Variants in KIFC3 observed in about 807,000 individuals in gnomAD.
KIFC3 encodes kinesin family member C3, also known as kinesin-like protein KIFC3.
A neutral mutation model predicts 101.8 loss-of-function variants in KIFC3; 60 were observed. That is an observed-to-expected ratio of 0.59 (90% CI 0.48 to 0.73). KIFC3 has a LOEUF of 0.73. Ranked by LOEUF, KIFC3 falls within the 30% of genes least tolerant of loss-of-function variation. The pLI, the probability that KIFC3 is intolerant of heterozygous loss-of-function variation, is 0.00. For synonymous variants in KIFC3, 476 were observed against 482.7 expected (o/e 0.99, Z 0.18); for missense variants, 966 against 1,137.1 (o/e 0.85, Z 2.16).
At chr16:57,856,059 C>T (rs992273782) in intron 1 of KIFC3, among the ~76,000 whole-genome samples, 1 of 151,844 alleles carries the variant, frequency 6.6e-6, no homozygotes, top group Non-Finnish European at 1.5e-5. Context: ...GCAGGGGGCT[C>T]ACACCAGTAA....
Position 57,761,145 on chromosome 16 carries a change from G to A in KIFC3, c.1899C>T (p.Arg633=), listed in dbSNP as rs1222711111. 6.2e-7 allele frequency: 1 copy of A among 1,613,888 alleles called. No individual in the cohort carries two copies. Among genetic ancestry groups the A allele is most frequent in the Non-Finnish European group, 8.5e-7 (1 of 1,179,992 alleles). The part of the protein sequence containing the change: ...NKVFEFGHTN[R]TTEFTNLNEH... ...CGTTCAGGTTGGTGAACTCGGTCGT[G>A]CGATTAGTGTGGCCAAACTCAAACA... is the stretch of plus-strand genomic sequence containing the variant. The change falls in exon 15 of 20, where the codon CGC becomes CGT. Residue 633 remains arginine (R), a synonymous_variant. Coordinates refer to ENST00000445690, the MANE Select transcript of KIFC3 (RefSeq NM_001130100.2).
intron 16 of KIFC3, 72 bp downstream of exon 16, chr16:57,760,654 G>T: frequency 7.2e-7 from 1 of 1,381,628 alleles, no homozygotes; most frequent in South Asian, 1.2e-5. Context: ...CACAGCCTGG[G>T]GTGACTGGGT....
intron 3 of KIFC3, among the ~76,000 whole-genome samples, chr16:57,789,257 C>T (rs1199202865): frequency 2.6e-5 from 4 of 152,266 alleles, no homozygotes; most frequent in Non-Finnish European, 5.9e-5. Context: ...CTCTCCGCCC[C>T]ACAGGGCTAT....
chr16:57,857,952 G>A (rs749989684), intron 1 of KIFC3, among the ~76,000 whole-genome samples: 4 of 149,698 alleles, frequency 2.7e-5, no homozygotes, highest in Non-Finnish European at 5.9e-5. Context: ...TCAGCCTCCC[G>A]AGTAGCTGGC....
At position 57,782,400 on chromosome 16, in the gene KIFC3, C is replaced by T. The variant is rs562922332; in HGVS notation, c.316-10112G>A. 2.0e-5 allele frequency: 3 copies of T among 152,472 alleles called. No homozygotes were observed. The South Asian group carries it at 6.2e-4, about 32-fold the overall frequency. 9.4% of individuals were successfully genotyped at this position (152,472 alleles called of 1,614,324 possible). On this transcript the variant is annotated intron_variant, in intron 3 of 19. Coordinates refer to ENST00000445690, the MANE Select transcript of KIFC3 (RefSeq NM_001130100.2). ...TGGCCACAGCAACACCAATGACTCA[C>T]TAGGGATCATCTCATCACACCCTAT...
At chr16:57,830,236 CTTTTTTTTTT>C (rs34842791) in intron 1 of KIFC3, among the ~76,000 whole-genome samples, 18 of 119,310 alleles carry the variant, frequency 1.5e-4, no homozygotes, top group Non-Finnish European at 3.0e-4. Context: ...TTTTTTCTTT[CTTTTTTTTTT>C]TTTTTTTTTG....
chr16:57,795,211 G>A (rs2149196369), intron 2 of KIFC3, 70 bp from the exon 3 acceptor site: 1 of 1,548,282 alleles, frequency 6.5e-7, no homozygotes, highest in African/African-American at 1.4e-5. Flanking sequence ...ATGGACCACT[G>A]GCCAGGGCCG....
intron 13 of KIFC3, among the ~76,000 whole-genome samples, 153 bp from the exon 14 acceptor site, chr16:57,761,689 G>A (rs568382762): frequency 3.3e-5 from 5 of 151,588 alleles, no homozygotes; most frequent in African/African-American, 9.7e-5. Context: ...CTCCTCCACC[G>A]CATTCAGCTG....
At chr16:57,776,086 C>A in intron 3 of KIFC3, 2 of 985,504 alleles carry the variant, frequency 2.0e-6, no homozygotes, top group Middle Eastern at 5.2e-4. Context: ...TCCAAGGCGG[C>A]CTCTTACCAT....
chr16:57,845,772 C>T (rs2055905843), intron 1 of KIFC3, among the ~76,000 whole-genome samples: 1 of 152,188 alleles, frequency 6.6e-6, no homozygotes, highest in South Asian at 2.1e-4. Context: ...AGTCTTCGCA[C>T]TTAACACCTT....
upstream of KIFC3, chr16:57,803,474 G>A: frequency 2.2e-6 from 1 of 452,958 alleles, no homozygotes; most frequent in South Asian, 1.6e-5. Context: ...AGGAGGGCGG[G>A]TACTCTGTCC....
intron 1 of KIFC3, among the ~76,000 whole-genome samples, chr16:57,811,772 C>T (rs1181481725): frequency 2.6e-5 from 4 of 151,912 alleles, no homozygotes; most frequent in Middle Eastern, 3.4e-3. Flanking sequence ...AAAAATTAGC[C>T]GGGCATGGTG....
At chr16:57,785,738 G>T in intron 3 of KIFC3, 1 of 935,704 alleles carries the variant, frequency 1.1e-6, no homozygotes, top group Non-Finnish European at 1.4e-6. Context: ...GTCCATCACA[G>T]CAAGACAGAC....
chr16:57,772,539 C>T (rs1555609491), intron 3 of KIFC3, among the ~76,000 whole-genome samples: 1 of 152,182 alleles, frequency 6.6e-6, no homozygotes, highest in Non-Finnish European at 1.5e-5. Context: ...TTCAGGAAAG[C>T]CCAGAGGGCA....
intron 1 of KIFC3, among the ~76,000 whole-genome samples, chr16:57,800,253 T>A (rs1178060410): frequency 1.3e-5 from 2 of 152,158 alleles, no homozygotes; most frequent in Non-Finnish European, 2.9e-5. Flanking sequence ...TTCCTTGACT[T>A]AGAACAACTA....
At chr16:57,803,260 G>A (rs956759066), upstream of KIFC3, 25 of 699,434 alleles carry the variant, frequency 3.6e-5, no homozygotes, top group Non-Finnish European at 5.7e-5. Flanking sequence ...AGAGGCCTGG[G>A]GGAGGCCAGG....
chr16:57,841,045 T>G (rs1250478187), intron 1 of KIFC3, among the ~76,000 whole-genome samples: 1 of 152,232 alleles, frequency 6.6e-6, no homozygotes, highest in Non-Finnish European at 1.5e-5. Context: ...AGCAAATATT[T>G]GCACACCTAC....
At chr16:57,843,981 G>A (rs971684125) in intron 1 of KIFC3, among the ~76,000 whole-genome samples, 1 of 151,976 alleles carries the variant, frequency 6.6e-6, no homozygotes, top group Non-Finnish European at 1.5e-5. Flanking sequence ...GGTGGTGCAC[G>A]CCTGTAATCC....
In KIFC3 at chr16:57,769,859, C is replaced by T; in HGVS notation, c.1036G>A (p.Ala346Thr). Residue 346 changes from alanine to threonine, a missense_variant, in exon 8 of 20, where the codon GCC becomes ACC. Ala to Thr is a moderately conservative substitution (Grantham distance 58). Coordinates refer to ENST00000445690, the MANE Select transcript of KIFC3 (RefSeq NM_001130100.2). The surrounding 1 kb of genome is among the most constrained non-coding windows in gnomAD (Gnocchi z 4.3). ...EEDKNRAIEEAFARAQVEMKA... is the reference protein window; with the variant it reads ...EEDKNRAIEETFARAQVEMKA... ...ATCTCCACCTGGGCTCTGGCAAAGG[C>T]CTCCTCAATGGCCCGGTTCTTGTCC... is the stretch of plus-strand genomic sequence containing the variant. The T allele has an allele frequency of 6.2e-7, 1 of 1,613,858 alleles. No homozygotes were observed. Among genetic ancestry groups the T allele is most frequent in the Non-Finnish European group, 8.5e-7 (1 of 1,180,040 alleles).
Sources: gnomAD v4.1 joint callset for allele counts (sites outside exome capture counted in the v4.1 genomes callset) on GRCh38, gnomAD v4.1.1 for gene constraint, Gnocchi (gnomAD v3.1) non-coding constraint, MANE v1.5 for transcripts, NCBI Gene and HGNC (gene_info 2026-07-23, HGNC 2026-07-21) for gene names.